A2M: variants seen among roughly 807,000 people sequenced by gnomAD.
The protein encoded by A2M is alpha-2-macroglobulin.
Under a neutral mutation model 183.9 loss-of-function variants are expected in A2M, and 128 were observed. That is an observed-to-expected ratio of 0.70 (90% confidence interval 0.60 to 0.81). A2M has a LOEUF of 0.81. Ranked by LOEUF, A2M falls within the 30% of genes least tolerant of loss-of-function variation. The pLI is 0.00. For synonymous variants in A2M, 592 were observed against 670.8 expected (o/e 0.88, Z 1.81); for missense variants, 1,495 against 1,787.6 (o/e 0.84, Z 2.95).
intron 27 of A2M, 106 bp downstream of exon 27, chr12:9,077,240 A>T: frequency 9.0e-7 from 1 of 1,116,824 alleles, no homozygotes; most frequent in African/African-American, 1.6e-5. Flanking sequence ...TTGCATAGAA[A>T]GAAAGCTGAT....
intron 32 of A2M, 79 bp from the exon 33 acceptor site, chr12:9,069,892 G>A: frequency 8.3e-7 from 1 of 1,211,882 alleles, no homozygotes; most frequent in Non-Finnish European, 1.2e-6. Context: ...TCTTTGTATT[G>A]CCAAAATAAC....
intron 10 of A2M, among the ~76,000 whole-genome samples, 172 bp downstream of exon 10, chr12:9,106,064 T>G (rs1218224448): frequency 6.6e-6 from 1 of 152,220 alleles, no homozygotes; most frequent in Non-Finnish European, 1.5e-5. Context: ...ATAAATCTAT[T>G]TTTATGTAGT....
At chr12:9,090,108 CT>C in intron 20 of A2M, 85 bp from the exon 21 acceptor site, 1 of 1,532,934 alleles carries the variant, frequency 6.5e-7, no homozygotes, top group South Asian at 1.3e-5. Context: ...GTTCAATGCT[CT>C]GTAAACTTTT....
At chr12:9,079,963 A>C in intron 23 of A2M, 131 bp downstream of exon 23, 5 of 965,036 alleles carry the variant, frequency 5.2e-6, no homozygotes, top group Non-Finnish European at 7.3e-6. Context: ...TGAAAGCAAT[A>C]AACAAGCCCA....
chr12:9,083,614 C>T (rs940999570), intron 22 of A2M, among the ~76,000 whole-genome samples: 4 of 150,670 alleles, frequency 2.7e-5, no homozygotes, highest in African/African-American at 9.8e-5. Flanking sequence ...AGCAGAAAGA[C>T]AAAAGAATGA....
chr12:9,089,825 A>G (rs1205414294), intron 21 of A2M, 77 bp downstream of exon 21: 2 of 976,810 alleles, frequency 2.0e-6, no homozygotes, highest in Non-Finnish European at 2.9e-6. Flanking sequence ...ATAATATTAT[A>G]AAATATCCAT....
intron 10 of A2M, among the ~76,000 whole-genome samples, chr12:9,105,299 A>G (rs748285864): frequency 2.2e-4 from 33 of 152,358 alleles, no homozygotes; most frequent in Non-Finnish European, 3.7e-4. Context: ...TCTTCTAGCT[A>G]GAGAGTCTTA....
At chr12:9,077,499 A>G (rs184377305) in intron 26 of A2M, 79 bp from the exon 27 acceptor site, 2 of 1,491,836 alleles carry the variant, frequency 1.3e-6, no homozygotes, top group Admixed American at 1.9e-5. Flanking sequence ...CTGCTGTGTC[A>G]TGGAATTCAT....
chr12:9,083,325 C>A (rs977643516), intron 22 of A2M, among the ~76,000 whole-genome samples: 1 of 151,374 alleles, frequency 6.6e-6, no homozygotes, highest in Non-Finnish European at 1.5e-5. Flanking sequence ...ACCAACATGG[C>A]ACATGTATAC....
At position 9,077,791 on chromosome 12, in the gene A2M, G is replaced by GT; in HGVS notation, c.3185dup (p.His1062GlnfsTer37). 1 of 1,614,178 alleles carries GT rather than the reference G, an allele frequency of 6.2e-7. No individual in the cohort carries two copies. The highest frequency in any genetic ancestry group is 8.5e-7 in the Non-Finnish European group (1 of 1,180,008). On this transcript the variant is annotated frameshift_variant, in exon 26 of 36. Coordinates refer to ENST00000318602, the MANE Select transcript of A2M (RefSeq NM_000014.6). LOFTEE classifies it high-confidence loss of function. ...AGAGCCATATGAGGGCTTGGGTAAT[G>GT]TGTGCTTCATCGATGAAGATGTAGG...
At position 9,091,368 on chromosome 12, in the gene A2M, C is replaced by T. The variant is rs1395148068; in HGVS notation, c.2302G>A (p.Gly768Arg). ...VPDTITEWKA[G>R]AFCLSEDAGL... ...GCATCTTCAGACAGGCAGAAGGCCC[C>T]TGCCTTCCACTCGGTGATGGTGTCA... Residue 768 changes from glycine to arginine, a missense_variant, in exon 19 of 36, where the codon GGG becomes AGG. Gly to Arg is a moderately radical substitution (Grantham distance 125). Transcript: ENST00000318602. The T allele has an allele frequency of 8.7e-6, 14 of 1,614,186 alleles. No individual in the cohort carries two copies. The highest frequency in any genetic ancestry group is 1.2e-5 in the Non-Finnish European group (14 of 1,180,040).
chr12:9,097,632 C>CTTTTTTTTTTT (rs34844537), intron 15 of A2M, among the ~76,000 whole-genome samples: 1 of 127,116 alleles, frequency 7.9e-6, no homozygotes, highest in African/African-American at 2.9e-5. Flanking sequence ...TGATGTAATT[C>CTTTTTTTTTTT]TTTTTTTTTT....
Position 9,099,475 on chromosome 12 carries a change from G to C in A2M, c.1607C>G (p.Pro536Arg), listed in dbSNP as rs749050419. The change falls in exon 14 of 36, where the codon CCT (proline) becomes CGT (arginine). Residue 536 changes from proline to arginine, a missense_variant. Transcript: ENST00000318602. ...AGCATAGATGAGCAACCGAGCGACA[G>C]GAGCAATGTCTGACTTCACAGGGAT... ...ISIPVKSDIA[P>R]VARLLIYAVL... 10 of 1,609,882 alleles carry C rather than the reference G, an allele frequency of 6.2e-6. No homozygotes were observed. The highest frequency in any genetic ancestry group is 7.6e-6 in the Non-Finnish European group (9 of 1,178,252).
At chr12:9,107,435 C>T in intron 8 of A2M, 89 bp downstream of exon 8, 2 of 1,490,044 alleles carry the variant, frequency 1.3e-6, no homozygotes, top group Non-Finnish European at 1.8e-6. Context: ...CTAGATTGTT[C>T]TCTTCCTGCG....
intron 22 of A2M, among the ~76,000 whole-genome samples, chr12:9,087,416 C>T (rs1009149053): frequency 6.6e-6 from 1 of 152,046 alleles, no homozygotes; most frequent in Non-Finnish European, 1.5e-5. Flanking sequence ...TATAGGAAAA[C>T]AAATATTGCA....
Position 9,112,518 on chromosome 12 carries a change from T to G in A2M, c.289A>C (p.Asn97His). 6.2e-7 allele frequency: 1 copy of G among 1,613,710 alleles called. No homozygotes were observed. Among genetic ancestry groups the G allele is most frequent in the South Asian group, 1.1e-5 (1 of 91,036 alleles). ...ACAGTGAGGAACATTACCTCCTCAT[T>G]GGATGAAGACTTTGGGACCTGAAAT... Reference protein sequence around the residue: ...VAFAVPKSSSNEEVMFLTVQV... With the variant: ...VAFAVPKSSSHEEVMFLTVQV... The change falls in exon 3 of 36, where the codon AAT (asparagine) becomes CAT (histidine). Residue 97 changes from asparagine (N) to histidine (H), a missense_variant. Coordinates refer to ENST00000318602, the MANE Select transcript of A2M (RefSeq NM_000014.6).
chr12:9,112,695 A>G, intron 2 of A2M, 159 bp from the exon 3 acceptor site: 2 of 695,680 alleles, frequency 2.9e-6, no homozygotes, highest in Non-Finnish European at 4.8e-6. Flanking sequence ...CACTTCTGCC[A>G]TTTTACAAAT....
intron 1 of A2M, 54 bp downstream of exon 1, chr12:9,115,710 G>A: frequency 7.5e-7 from 1 of 1,336,210 alleles, no homozygotes. Context: ...AGAAAAATCT[G>A]CAATAAATGA....
chr12:9,109,551 C>A, intron 6 of A2M, 146 bp from the exon 7 acceptor site: 2 of 665,450 alleles, frequency 3.0e-6, no homozygotes. Flanking sequence ...TATCTATCCT[C>A]CTCTCAAATG....
Sources: allele counts gnomAD v4.1 joint callset (sites outside exome capture counted in the v4.1 genomes callset), GRCh38; gene constraint gnomAD v4.1.1; transcripts MANE v1.5; gene names NCBI Gene and HGNC (gene_info 2026-07-23, HGNC 2026-07-21).